FANCC: variants seen among roughly 807,000 people sequenced by gnomAD.
FANCC encodes FA complementation group C.
Under a neutral mutation model 71.3 loss-of-function variants are expected in FANCC, and 55 were observed. That is an observed-to-expected ratio of 0.77 (90% CI 0.62 to 0.97). FANCC has a LOEUF of 0.97. Among genes scored for constraint, FANCC ranks in the 50% least tolerant of loss-of-function variants. The probability of loss-of-function intolerance (pLI) is 0.00; values close to 1 mark genes in which losing one functional copy is unlikely to be tolerated. For synonymous variants in FANCC, 275 were observed against 244.9 expected (o/e 1.12, Z -1.15); for missense variants, 678 against 670.9 (o/e 1.01, Z -0.12).
At chr9:95,127,206 G>A (rs1826130913) in intron 8 of FANCC, 1 of 152,972 alleles carries the variant, frequency 6.5e-6, no homozygotes, top group Non-Finnish European at 1.5e-5. Flanking sequence ...TGAGTCTGCA[G>A]AAGCTGGCCT....
At chr9:95,248,307 A>G (rs1831121168) in intron 2 of FANCC, among the ~76,000 whole-genome samples, 1 of 152,202 alleles carries the variant, frequency 6.6e-6, no homozygotes, top group African/African-American at 2.4e-5. Context: ...CCCAGCATCA[A>G]GCCTGGTCCT....
chr9:95,123,208 T>G (rs1310127394), intron 10 of FANCC: 1 of 201,210 alleles, frequency 5.0e-6, no homozygotes, highest in Non-Finnish European at 1.0e-5. Context: ...GAGGCTGAGG[T>G]GGGGGGATCG....
chr9:95,195,329 T>G lies in FANCC; in HGVS notation c.346-23182A>C, dbSNP rs533966934. 7.3e-5 allele frequency among the ~76,000 whole-genome samples: 11 copies of G among 151,202 alleles called. No homozygotes were observed. The South Asian group carries it at 2.3e-3, about 32-fold the overall frequency. ...CATTTGAGTTAATTTTTGTATAAGT[T>G]GTGAGGTTTAGGTTGATGTCCAACT... On this transcript the variant is annotated intron_variant, in intron 4 of 14. Coordinates refer to ENST00000289081, the MANE Select transcript of FANCC (RefSeq NM_000136.3).
intron 8 of FANCC, chr9:95,127,177 G>C (rs947656835): frequency 6.5e-5 from 10 of 153,750 alleles, no homozygotes; most frequent in Admixed American, 5.8e-4. Flanking sequence ...GAATATTTCG[G>C]TGATGGGTTC....
Position 95,311,825 on chromosome 9 carries a change from T to C in FANCC, c.-79+5701A>G, listed in dbSNP as rs77349810. Among the ~76,000 whole-genome samples the C allele has an allele frequency of 3.6e-3, 545 of 152,250 alleles. 10 individuals carry two copies. In the East Asian group the frequency reaches 0.044, roughly 12 times the overall value. On this transcript the variant is annotated intron_variant, in intron 1 of 14. Transcript: ENST00000289081. ...GATTCCACTAAAATAGCTAAATGTA[T>C]ATAAAATGTTTATATCACACATAAA...
At chr9:95,272,469 G>A (rs1362938794) in intron 1 of FANCC, among the ~76,000 whole-genome samples, 1 of 152,110 alleles carries the variant, frequency 6.6e-6, no homozygotes, top group East Asian at 1.9e-4. Context: ...GGCCAAGCGG[G>A]TGGATCACTT....
At chr9:95,201,842 C>T (rs888903494) in intron 4 of FANCC, among the ~76,000 whole-genome samples, 2 of 152,240 alleles carry the variant, frequency 1.3e-5, no homozygotes, top group Admixed American at 1.3e-4. Context: ...TTTTTTAAGT[C>T]GCAGGTTTAA....
intron 4 of FANCC, among the ~76,000 whole-genome samples, chr9:95,218,032 G>A (rs893045571): frequency 2.0e-5 from 3 of 152,042 alleles, no homozygotes; most frequent in East Asian, 1.9e-4. Context: ...TATTAAAACC[G>A]ACTCAAGAAG....
At position 95,232,783 on chromosome 9, in the gene FANCC, G is replaced by GT. The variant is rs529703399; in HGVS notation, c.345+7865dup. Among the ~76,000 whole-genome samples the GT allele has an allele frequency of 6.6e-5, 10 of 152,298 alleles. No homozygotes were observed. In the East Asian group the frequency reaches 1.9e-3, roughly 29 times the overall value. Reference sequence around the variant, plus strand: ...TGAATATGACCTGTTTTCTCTTGCTGTTTTTCTCAGCTATGTTTTGTCAGG... The same window carrying GT: ...TGAATATGACCTGTTTTCTCTTGCTGTTTTTTCTCAGCTATGTTTTGTCAGG... On this transcript the variant is annotated intron_variant, in intron 4 of 14. Coordinates refer to ENST00000289081, the MANE Select transcript of FANCC (RefSeq NM_000136.3).
chr9:95,106,361 T>A (rs1475920000), intron 14 of FANCC, among the ~76,000 whole-genome samples: 1 of 152,274 alleles, frequency 6.6e-6, no homozygotes, highest in South Asian at 2.1e-4. Flanking sequence ...TTCTGAATAC[T>A]AAACTCTAAT....
intron 8 of FANCC, among the ~76,000 whole-genome samples, chr9:95,127,594 G>A (rs752940769): frequency 3.3e-5 from 5 of 152,228 alleles, no homozygotes; most frequent in Admixed American, 6.5e-5. Context: ...CGCCCAGGGG[G>A]CGGGGACCCC....
rs564333713 is a variant in FANCC, at chr9:95,252,140, G to A, written c.-78-2771C>T. On this transcript the variant is annotated intron_variant, in intron 1 of 14. Transcript: ENST00000289081. ...TGAAAATAACAAAAATTAGCTGGGC[G>A]TAGTGGCAGGAGCCTGTAATCCCAG... 9.2e-5 allele frequency among the ~76,000 whole-genome samples: 14 copies of A among 151,942 alleles called. No individual in the cohort carries two copies. In the East Asian group the frequency reaches 2.1e-3, roughly 23 times the overall value.
chr9:95,170,313 AG>A (rs1175300398), intron 6 of FANCC, among the ~76,000 whole-genome samples: 4 of 151,882 alleles, frequency 2.6e-5, no homozygotes, highest in African/African-American at 9.7e-5. Context: ...ATAATTATAT[AG>A]TTTAAGGGTT....
At chr9:95,138,285 A>C (rs1426798327) in intron 7 of FANCC, among the ~76,000 whole-genome samples, 1 of 152,240 alleles carries the variant, frequency 6.6e-6, no homozygotes, top group African/African-American at 2.4e-5. Context: ...TGGGCTCAGC[A>C]GAACAGTGGG....
intron 7 of FANCC, among the ~76,000 whole-genome samples, chr9:95,144,053 G>C (rs1037619426): frequency 2.0e-5 from 3 of 150,760 alleles, no homozygotes; most frequent in African/African-American, 7.3e-5. Flanking sequence ...TAAGCAAATA[G>C]TTGGAAGGCT....
chr9:95,188,939 A>AT (rs1394329201), intron 4 of FANCC, among the ~76,000 whole-genome samples: 1 of 152,198 alleles, frequency 6.6e-6, no homozygotes, highest in Non-Finnish European at 1.5e-5. Flanking sequence ...TACAAATGAT[A>AT]TTTTAAGTTC....
At chr9:95,161,792 T>C (rs1830759853) in intron 6 of FANCC, among the ~76,000 whole-genome samples, 1 of 151,736 alleles carries the variant, frequency 6.6e-6, no homozygotes, top group South Asian at 2.1e-4. Context: ...ATTTCCCTCT[T>C]CCTCCCATCC....
intron 4 of FANCC, among the ~76,000 whole-genome samples, chr9:95,193,143 A>T (rs1827214112): frequency 6.6e-6 from 1 of 152,230 alleles, no homozygotes; most frequent in South Asian, 2.1e-4. Context: ...CAACAAGATG[A>T]AGATGACCAA....
chr9:95,250,990 T>G (rs1831296046), intron 1 of FANCC, among the ~76,000 whole-genome samples: 1 of 152,128 alleles, frequency 6.6e-6, no homozygotes, highest in Non-Finnish European at 1.5e-5. Flanking sequence ...AAAACATGGC[T>G]CCAGCACCGT....
Sources: allele counts gnomAD v4.1 joint callset (sites outside exome capture counted in the v4.1 genomes callset), GRCh38; gene constraint gnomAD v4.1.1; transcripts MANE v1.5; gene names NCBI Gene and HGNC (gene_info 2026-07-23, HGNC 2026-07-21).